Variants in UBR4 observed in about 807,000 individuals in gnomAD.
UBR4 encodes ubiquitin protein ligase E3 component n-recognin 4.
Under a neutral mutation model 575.6 loss-of-function variants are expected in UBR4, and 124 were observed. The ratio of observed to expected loss-of-function variants is 0.22; its 90% CI spans 0.19 to 0.25. UBR4 has a LOEUF of 0.25. UBR4 is among the 10% of genes least tolerant of loss of function. UBR4 has a pLI of 1.00. For synonymous variants in UBR4, 2,455 were observed against 2,473.7 expected, an observed-to-expected ratio of 0.99 and a Z score of 0.22; for missense variants, 4,818 against 6,478.8, an observed-to-expected ratio of 0.74 and a Z score of 8.80.
intron 98 of UBR4, 71 bp from the exon 99 acceptor site, chr1:19,088,000 T>C (rs558712450): frequency 7.9e-7 from 1 of 1,257,990 alleles, no homozygotes; most frequent in African/African-American, 1.5e-5. Context: ...TTGGAGATGC[T>C]CAGGAACAGG....
At chr1:19,151,950 G>A in intron 47 of UBR4, 91 bp from the exon 48 acceptor site, 1 of 1,196,624 alleles carries the variant, frequency 8.4e-7, no homozygotes, top group Non-Finnish European at 1.2e-6. Flanking sequence ...CTCAACATGT[G>A]AAGCTCATTA....
chr1:19,184,656 GACTC>G (rs1193326038), intron 15 of UBR4, among the ~76,000 whole-genome samples: 1 of 152,108 alleles, frequency 6.6e-6, no homozygotes, highest in Admixed American at 6.6e-5. Context: ...AACTGTATCT[GACTC>G]ACTCACATCA....
chr1:19,106,268 A>G lies in UBR4; in HGVS notation c.12393+301T>C, dbSNP rs1277800113. Among the ~76,000 whole-genome samples, 4 of 152,098 alleles carry G rather than the reference A, an allele frequency of 2.6e-5. No individual in the cohort carries two copies. In the East Asian group the frequency reaches 5.8e-4, roughly 22 times the overall value. On this transcript the variant is annotated intron_variant, in intron 83 of 105. Coordinates refer to ENST00000375254, the MANE Select transcript of UBR4 (RefSeq NM_020765.3). ...TACTTTAGCTAGAGAGAGGAGGGAG[A>G]GAAAGGACAGCAGAAGATACGAAAA...
At chr1:19,179,797 T>A (rs1244912881) in intron 17 of UBR4, among the ~76,000 whole-genome samples, 1 of 152,156 alleles carries the variant, frequency 6.6e-6, no homozygotes, top group Middle Eastern at 3.2e-3. Flanking sequence ...GCAAATTATC[T>A]TCTCAAACAC....
chr1:19,203,414 T>C (rs1398494340), intron 1 of UBR4, among the ~76,000 whole-genome samples: 2 of 152,006 alleles, frequency 1.3e-5, no homozygotes, highest in African/African-American at 2.4e-5. Flanking sequence ...GGCACGAGAA[T>C]TGCTTGAACC....
At chr1:19,124,750 G>T in intron 64 of UBR4, 60 bp from the exon 65 acceptor site, 2 of 1,581,734 alleles carry the variant, frequency 1.3e-6, no homozygotes, top group South Asian at 1.2e-5. Context: ...ACCACAATTA[G>T]GAAAAAGCCT....
Position 19,104,136 on chromosome 1 carries a change from C to T in UBR4, c.12849G>A (p.Leu4283=). Residue 4283 remains leucine (L), a synonymous_variant, in exon 87 of 106, where the codon CTG becomes CTA. Transcript: ENST00000375254. ...LRKLVVQRTK[L]IDETQDMLLE... ...GCAGCATGTCCTGCGTCTCATCGAT[C>T]AGCTTGGTCCTCTGCACCACCAGCT... 1 of 1,614,228 alleles carries T rather than the reference C, an allele frequency of 6.2e-7. No homozygotes were observed. The highest frequency in any genetic ancestry group is 8.5e-7 in the Non-Finnish European group (1 of 1,180,044).
intron 64 of UBR4, among the ~76,000 whole-genome samples, chr1:19,124,891 A>T (rs1045059946): frequency 3.9e-5 from 6 of 152,136 alleles, no homozygotes; most frequent in Admixed American, 3.9e-4. Context: ...TTACATGCAA[A>T]GGTTACAGTG....
chr1:19,165,834 T>C, intron 29 of UBR4, 77 bp from the exon 30 acceptor site: 1 of 1,316,936 alleles, frequency 7.6e-7, no homozygotes, highest in South Asian at 1.4e-5. Context: ...TTTATTAAAA[T>C]CCAAAGTTTG....
intron 17 of UBR4, among the ~76,000 whole-genome samples, chr1:19,179,845 G>C (rs893195138): frequency 3.9e-5 from 6 of 152,166 alleles, no homozygotes; most frequent in Non-Finnish European, 8.8e-5. Flanking sequence ...TGGAAAACCA[G>C]ACAAATGCCT....
Position 19,174,328 on chromosome 1 carries a change from T to A in UBR4, c.2973A>T (p.Val991=). Reference sequence around the variant, plus strand: ...GGTTCCATGGTCTTACCAAGGCTGTTACATTCTTGTTTTCCTTTCTCCTAA... The same window carrying A: ...GGTTCCATGGTCTTACCAAGGCTGTAACATTCTTGTTTTCCTTTCTCCTAA... ...DTVRRKENKN[V]TALEACALQY... The change falls in exon 22 of 106, where the codon GTA becomes GTT. Residue 991 remains valine (V), a synonymous_variant. Transcript: ENST00000375254. The A allele has an allele frequency of 1.2e-6, 2 of 1,613,074 alleles. No homozygotes were observed. Among genetic ancestry groups the A allele is most frequent in the African/African-American group, 1.3e-5 (1 of 75,030 alleles).
chr1:19,180,390 T>A (rs1207457565), intron 17 of UBR4, among the ~76,000 whole-genome samples: 2 of 152,050 alleles, frequency 1.3e-5, no homozygotes, highest in African/African-American at 4.8e-5. Flanking sequence ...GGTTTCACAA[T>A]GTTGGCCAGG....
At chr1:19,200,689 TAA>T (rs1427738817) in intron 2 of UBR4, among the ~76,000 whole-genome samples, 1 of 152,180 alleles carries the variant, frequency 6.6e-6, no homozygotes, top group Non-Finnish European at 1.5e-5. Context: ...CTTCCTTACA[TAA>T]AGTTTCTCCA....
chr1:19,198,040 C>T lies in UBR4; in HGVS notation c.658G>A (p.Glu220Lys). The T allele has an allele frequency of 6.2e-7, 1 of 1,613,746 alleles. No homozygotes were observed. The highest frequency in any genetic ancestry group is 8.5e-7 in the Non-Finnish European group (1 of 1,179,980). ...PISTQTLVEG[E>K]NDEQSSTDQA... is the part of the protein sequence containing the mutation. ...TCTGTAGATGACTGCTCATCATTTT[C>T]TCCTTCCACCTGAAAAGAAACATAA... The change falls in exon 6 of 106, where the codon GAA (glutamate) becomes AAA (lysine). Residue 220 changes from glutamate (E) to lysine (K), a missense_variant. By Grantham distance (56) the Glu-to-Lys change is moderately conservative. Coordinates refer to ENST00000375254, the MANE Select transcript of UBR4 (RefSeq NM_020765.3).
chr1:19,177,790 C>A (rs778508356), intron 18 of UBR4, 47 bp from the exon 19 acceptor site: 1 of 1,580,760 alleles, frequency 6.3e-7, no homozygotes, highest in Non-Finnish European at 8.6e-7. Context: ...AAAGAGCATT[C>A]CCCAGGAGTT....
chr1:19,099,919 G>A (rs1031042246), intron 89 of UBR4, among the ~76,000 whole-genome samples: 4 of 151,864 alleles, frequency 2.6e-5, no homozygotes, highest in Non-Finnish European at 5.9e-5. Flanking sequence ...CACACCCACC[G>A]GGGACCTTCT....
chr1:19,080,511 C>A (rs975263295), intron 103 of UBR4: 1 of 152,232 alleles, frequency 6.6e-6, no homozygotes, highest in African/African-American at 2.4e-5. Flanking sequence ...CAAATGTGGA[C>A]ATGATCCCTC....
At position 19,121,382 on chromosome 1, in the gene UBR4, G is replaced by A; in HGVS notation, c.9948C>T (p.Ser3316=). The A allele has an allele frequency of 6.2e-7, 1 of 1,614,080 alleles. No homozygotes were observed. The change falls in exon 68 of 106, where the codon TCC becomes TCT. Residue 3316 remains serine (S), a synonymous_variant. Coordinates refer to ENST00000375254, the MANE Select transcript of UBR4 (RefSeq NM_020765.3). ...QVSFLVDEGV[S]PVLLQLLSCA... ...AGGAGAGCAGTTGCAGCAGCACTGG[G>A]GACACGCCCTCATCCACAAGGAAAC... is the stretch of plus-strand genomic sequence containing the variant.
At chr1:19,132,084 A>G (rs2082536357) in intron 60 of UBR4, among the ~76,000 whole-genome samples, 1 of 152,216 alleles carries the variant, frequency 6.6e-6, no homozygotes, top group South Asian at 2.1e-4. Flanking sequence ...AAAATACAGC[A>G]TTATCAAAAC....
Sources: allele counts gnomAD v4.1 joint callset (sites outside exome capture counted in the v4.1 genomes callset), GRCh38; gene constraint gnomAD v4.1.1; transcripts MANE v1.5; gene names NCBI Gene and HGNC (gene_info 2026-07-23, HGNC 2026-07-21).